The following FBN1 variants were observed in gnomAD, a reference collection of about 807,000 sequenced individuals.
FBN1 encodes the protein fibrillin 1.
A neutral mutation model predicts 365.1 loss-of-function variants in FBN1; 29 were observed. The ratio of observed to expected loss-of-function variants is 0.08; its 90% CI spans 0.06 to 0.11. The LOEUF is 0.11. Among genes scored for constraint, FBN1 ranks in the 10% least tolerant of loss-of-function variants. FBN1 has a pLI of 1.00. For synonymous variants in FBN1, 1,210 were observed against 1,270.5 expected (o/e 0.95, Z 1.01); for missense variants, 2,476 against 3,703.2 (o/e 0.67, Z 8.60).
rs369473564 is a variant in FBN1 at position 48,497,228 on chromosome 15, T to G, written c.2293+38A>C. 31 of 1,613,804 alleles carry G rather than the reference T, an allele frequency of 1.9e-5. No individual in the cohort carries two copies. The African/African-American group carries it at 4.1e-4, about 22-fold the overall frequency. On this transcript the variant is annotated intron_variant, in intron 19 of 65. Transcript: ENST00000316623. The stretch of plus-strand genomic sequence containing the variant: ...CAGCAATGAAAGAAGGAATGCATTA[T>G]GCAGGCAATGTTTCAGAAAATGGGT...
chr15:48,644,412 G>A (rs770666320), intron 2 of FBN1, 194 bp downstream of exon 2: 1 of 734,452 alleles, frequency 1.4e-6, no homozygotes, highest in Non-Finnish European at 2.3e-6. Context: ...CTCTCCTTTG[G>A]GGCAGAAATC....
At chr15:48,442,339 A>C (rs2043122657) in intron 49 of FBN1, among the ~76,000 whole-genome samples, 1 of 152,210 alleles carries the variant, frequency 6.6e-6, no homozygotes, top group Non-Finnish European at 1.5e-5. Flanking sequence ...CTATAGCCCT[A>C]AAACTGTGAA....
intron 10 of FBN1, among the ~76,000 whole-genome samples, chr15:48,519,061 A>G (rs781512941): frequency 2.0e-5 from 3 of 152,142 alleles, no homozygotes; most frequent in Non-Finnish European, 2.9e-5. Flanking sequence ...GCCTCAACAC[A>G]GGAAGGAATC....
At chr15:48,534,242 ACT>A (rs763154479) in intron 7 of FBN1, 37 bp from the exon 8 acceptor site, 1 of 1,513,536 alleles carries the variant, frequency 6.6e-7, no homozygotes, top group Non-Finnish European at 9.1e-7. Flanking sequence ...AAAAAAAAAA[ACT>A]CATATGAAAT....
chr15:48,622,348 A>G (rs1331648192), intron 2 of FBN1, among the ~76,000 whole-genome samples: 2 of 152,194 alleles, frequency 1.3e-5, no homozygotes, highest in Non-Finnish European at 2.9e-5. Context: ...GGAGGCCAGA[A>G]CAAAGGCCTT....
chr15:48,495,033 G>C, intron 22 of FBN1, 90 bp downstream of exon 22: 1 of 1,502,336 alleles, frequency 6.7e-7, no homozygotes, highest in East Asian at 2.3e-5. Flanking sequence ...AAATTCTCAT[G>C]TGAGCCTAGA....
chr15:48,589,726 G>A (rs1369056008), intron 6 of FBN1, among the ~76,000 whole-genome samples: 3 of 144,146 alleles, frequency 2.1e-5, no homozygotes, highest in South Asian at 2.2e-4. Flanking sequence ...CCATTCTCCC[G>A]CTTCAGCCTC....
intron 4 of FBN1, among the ~76,000 whole-genome samples, chr15:48,607,700 A>G (rs1485380248): frequency 6.6e-6 from 1 of 152,156 alleles, no homozygotes; most frequent in Non-Finnish European, 1.5e-5. Context: ...TTTATAAATG[A>G]CCCAGTCTAC....
intron 6 of FBN1, among the ~76,000 whole-genome samples, chr15:48,546,467 A>G (rs2044094386): frequency 6.6e-6 from 1 of 152,236 alleles, no homozygotes; most frequent in Non-Finnish European, 1.5e-5. Flanking sequence ...CAGCAAGAAC[A>G]GTGGCTCTGG....
chr15:48,611,148 T>A (rs929953796), intron 3 of FBN1, among the ~76,000 whole-genome samples: 2 of 152,156 alleles, frequency 1.3e-5, no homozygotes, highest in Admixed American at 1.3e-4. Flanking sequence ...AAATCCTGCA[T>A]CTAAACATAT....
chr15:48,504,038 G>C, intron 16 of FBN1, 99 bp from the exon 17 acceptor site: 1 of 1,426,022 alleles, frequency 7.0e-7, no homozygotes, highest in Non-Finnish European at 9.8e-7. Context: ...CATCATCCCT[G>C]GTGTAACTCA....
chr15:48,612,611 G>A (rs1371099498), intron 3 of FBN1, among the ~76,000 whole-genome samples: 1 of 152,158 alleles, frequency 6.6e-6, no homozygotes, highest in Non-Finnish European at 1.5e-5. Context: ...CTGTCTAAGA[G>A]TCAGGTCTGC....
intron 2 of FBN1, among the ~76,000 whole-genome samples, chr15:48,633,870 G>A (rs559463142): frequency 1.3e-5 from 2 of 152,280 alleles, no homozygotes; most frequent in East Asian, 3.9e-4. Context: ...TCGCTACCAC[G>A]TGACTCAGCT....
chr15:48,482,205 C>T (rs2043470674), intron 31 of FBN1, among the ~76,000 whole-genome samples: 2 of 152,334 alleles, frequency 1.3e-5, no homozygotes, highest in East Asian at 3.9e-4. Flanking sequence ...TAAGACTTCA[C>T]TTCTTTTCCA....
chr15:48,555,260 G>A (rs893561194), intron 6 of FBN1, among the ~76,000 whole-genome samples: 4 of 151,994 alleles, frequency 2.6e-5, no homozygotes, highest in Admixed American at 2.0e-4. Flanking sequence ...GCTCATTATC[G>A]AGGACTGTGC....
At chr15:48,576,214 G>T (rs778476236) in intron 6 of FBN1, among the ~76,000 whole-genome samples, 1 of 152,074 alleles carries the variant, frequency 6.6e-6, no homozygotes, top group South Asian at 2.1e-4. Flanking sequence ...ACTACCTGCC[G>T]TTTCCCTGAC....
At chr15:48,597,575 C>T (rs2044525636) in intron 5 of FBN1, among the ~76,000 whole-genome samples, 1 of 152,212 alleles carries the variant, frequency 6.6e-6, no homozygotes, top group African/African-American at 2.4e-5. Context: ...CTTCTGCTTC[C>T]TCTTTCCTTT....
chr15:48,569,031 G>A (rs1178821576), intron 6 of FBN1, among the ~76,000 whole-genome samples: 11 of 151,966 alleles, frequency 7.2e-5, no homozygotes, highest in South Asian at 4.2e-4. Context: ...TTCAAAAGGC[G>A]CCATTACGAA....
At chr15:48,576,972 C>G (rs1030395176) in intron 6 of FBN1, among the ~76,000 whole-genome samples, 10 of 152,214 alleles carry the variant, frequency 6.6e-5, no homozygotes, top group Middle Eastern at 3.4e-3. Flanking sequence ...ATTTTTATTG[C>G]CCTCATATAA....
Sources: allele counts gnomAD v4.1 joint callset (sites outside exome capture counted in the v4.1 genomes callset), GRCh38; gene constraint gnomAD v4.1.1; transcripts MANE v1.5; gene names NCBI Gene and HGNC (gene_info 2026-07-23, HGNC 2026-07-21).